Variants in FAR2 observed in about 807,000 individuals in gnomAD.
FAR2 encodes epididymis secretory protein Li 81.
Under a neutral mutation model 56.0 loss-of-function variants are expected in FAR2, and 19 were observed. The observed-to-expected ratio is 0.34, with a 90% CI of 0.24 to 0.50. FAR2 has a LOEUF of 0.50. Among genes scored for constraint, FAR2 ranks in the 20% least tolerant of loss-of-function variants. FAR2 has a pLI of 0.98. For synonymous variants in FAR2, 219 were observed against 218.8 expected (o/e 1.00, Z -0.01); for missense variants, 508 against 642.2 (o/e 0.79, Z 2.26).
chr12:29,317,314 A>C (rs1949466811), intron 9 of FAR2, among the ~76,000 whole-genome samples: 1 of 152,238 alleles, frequency 6.6e-6, no homozygotes, highest in Non-Finnish European at 1.5e-5. Flanking sequence ...ATTATGTAAG[A>C]TTACCTTCAG....
intron 1 of FAR2, among the ~76,000 whole-genome samples, chr12:29,247,158 A>G (rs1948141653): frequency 6.6e-6 from 1 of 152,150 alleles, no homozygotes; most frequent in African/African-American, 2.4e-5. Flanking sequence ...TTACTATATT[A>G]TATTGATTTG....
intron 1 of FAR2, among the ~76,000 whole-genome samples, chr12:29,167,470 T>C (rs1386603663): frequency 6.6e-6 from 1 of 152,210 alleles, no homozygotes; most frequent in East Asian, 1.9e-4. Context: ...TCCAGAGGCT[T>C]ACTTCCACTT....
At chr12:29,174,656 A>G (rs1473592982) in intron 1 of FAR2, among the ~76,000 whole-genome samples, 1 of 151,936 alleles carries the variant, frequency 6.6e-6, no homozygotes, top group East Asian at 1.9e-4. Context: ...TCCTGACCTC[A>G]TGATCCACCC....
At chr12:29,329,036 TGTC>T (rs1949691945) in intron 10 of FAR2, among the ~76,000 whole-genome samples, 1 of 152,124 alleles carries the variant, frequency 6.6e-6, no homozygotes, top group African/African-American at 2.4e-5. Context: ...GCATTATCCA[TGTC>T]AAATACAATA....
chr12:29,269,136 C>A (rs960710661), intron 1 of FAR2, among the ~76,000 whole-genome samples: 15 of 152,236 alleles, frequency 9.9e-5, no homozygotes, highest in Admixed American at 3.9e-4. Context: ...CCTAATAAGC[C>A]TGGGAGTGCT....
intron 1 of FAR2, among the ~76,000 whole-genome samples, chr12:29,266,587 A>C (rs1948520249): frequency 6.6e-6 from 1 of 152,084 alleles, no homozygotes; most frequent in South Asian, 2.1e-4. Context: ...TTGATATCAA[A>C]ACAGGGTGAC....
intron 1 of FAR2, among the ~76,000 whole-genome samples, chr12:29,261,605 A>T (rs1948419363): frequency 6.6e-6 from 1 of 152,200 alleles, no homozygotes; most frequent in South Asian, 2.1e-4. Context: ...CCCAAAGAAG[A>T]TTATCTCAAG....
intron 2 of FAR2, 39 bp from the exon 3 acceptor site, chr12:29,293,261 G>A (rs1366071875): frequency 2.1e-6 from 3 of 1,428,302 alleles, no homozygotes; most frequent in Non-Finnish European, 2.8e-6. Flanking sequence ...GATAATGATG[G>A]TGCTATTTTT....
At chr12:29,310,482 A>T (rs1164388102) in intron 6 of FAR2, among the ~76,000 whole-genome samples, 1 of 152,182 alleles carries the variant, frequency 6.6e-6, no homozygotes, top group Non-Finnish European at 1.5e-5. Context: ...AGTAAATAAT[A>T]AGGCAATTTT....
intron 2 of FAR2, among the ~76,000 whole-genome samples, chr12:29,276,346 A>G (rs1172838095): frequency 6.6e-6 from 1 of 152,182 alleles, no homozygotes; most frequent in Non-Finnish European, 1.5e-5. Flanking sequence ...TGTGGGAGGA[A>G]GGGAATCTGA....
Position 29,297,176 on chromosome 12 carries a change from C to A in FAR2, c.521C>A (p.Pro174Gln). The A allele has an allele frequency of 1.2e-6, 2 of 1,601,942 alleles. No individual in the cohort carries two copies. The highest frequency in any genetic ancestry group is 1.1e-5 in the South Asian group (1 of 88,738). The stretch of plus-strand genomic sequence containing the variant: ...GTTATCTATCCGTGCCCTGTGGAGC[C>A]AAAAAAAATCATTGATTCCCTTGAG... ...DEVIYPCPVE[P>Q]KKIIDSLEWL... is the part of the protein sequence containing the mutation. Residue 174 changes from proline (P) to glutamine (Q), a missense_variant, in exon 4 of 12, where the codon CCA (proline) becomes CAA (glutamine). Transcript: ENST00000536681.
intron 2 of FAR2, among the ~76,000 whole-genome samples, chr12:29,274,994 G>A (rs967769531): frequency 6.0e-5 from 9 of 150,338 alleles, no homozygotes; most frequent in Non-Finnish European, 1.2e-4. Flanking sequence ...ACCTCCCTGG[G>A]AGATCAATCC....
intron 1 of FAR2, among the ~76,000 whole-genome samples, chr12:29,190,715 G>A (rs1466862032): frequency 6.6e-6 from 1 of 151,818 alleles, no homozygotes; most frequent in Non-Finnish European, 1.5e-5. Context: ...CACCCACCTC[G>A]GCCTCCCAAA....
At chr12:29,254,776 A>G (rs766650495) in intron 1 of FAR2, among the ~76,000 whole-genome samples, 1 of 151,856 alleles carries the variant, frequency 6.6e-6, no homozygotes, top group Admixed American at 6.6e-5. Flanking sequence ...ACATGGTGAA[A>G]CCCCATCTCT....
chr12:29,226,793 A>G (rs1352567783), intron 1 of FAR2, among the ~76,000 whole-genome samples: 1 of 152,158 alleles, frequency 6.6e-6, no homozygotes, highest in Non-Finnish European at 1.5e-5. Flanking sequence ...ATATTACATG[A>G]AAAGAATTGG....
chr12:29,268,019 A>AT (rs892544003), intron 1 of FAR2, among the ~76,000 whole-genome samples: 1 of 152,112 alleles, frequency 6.6e-6, no homozygotes, highest in Non-Finnish European at 1.5e-5. Flanking sequence ...GTGCTGAAAA[A>AT]TTTTTTTAGT....
chr12:29,210,661 A>T (rs11050129), intron 1 of FAR2, among the ~76,000 whole-genome samples: 12,756 of 152,164 alleles, frequency 0.084, 772 homozygotes, highest in East Asian at 0.3. Context: ...TTCTTTTTTA[A>T]CTCTTGTAAA....
At chr12:29,210,522 T>C (rs1947532591) in intron 1 of FAR2, among the ~76,000 whole-genome samples, 1 of 152,222 alleles carries the variant, frequency 6.6e-6, no homozygotes, top group African/African-American at 2.4e-5. Flanking sequence ...AATATATTTA[T>C]GTATATAAAA....
intron 1 of FAR2, among the ~76,000 whole-genome samples, chr12:29,163,799 T>G (rs1949802441): frequency 6.6e-6 from 1 of 152,202 alleles, no homozygotes; most frequent in South Asian, 2.1e-4. Flanking sequence ...TTTCCATCAT[T>G]TTATTTCAGT....
Sources: allele counts gnomAD v4.1 joint callset (sites outside exome capture counted in the v4.1 genomes callset), GRCh38; gene constraint gnomAD v4.1.1; transcripts MANE v1.5; gene names NCBI Gene and HGNC (gene_info 2026-07-23, HGNC 2026-07-21).